FOXP2: variants seen among roughly 807,000 people sequenced by gnomAD.
FOXP2 encodes the protein forkhead box P2, also known as forkhead box protein P2.
In FOXP2, 12 loss-of-function variants were observed where a neutral mutation model predicts 115.8. That is an observed-to-expected ratio of 0.10 (90% CI 0.07 to 0.17). FOXP2 has a LOEUF of 0.17. Ranked by LOEUF, FOXP2 falls within the 10% of genes least tolerant of loss-of-function variation. The probability of loss-of-function intolerance (pLI) is 1.00; values close to 1 mark genes in which losing one functional copy is unlikely to be tolerated. For synonymous variants in FOXP2, 328 were observed against 297.7 expected, an observed-to-expected ratio of 1.10 and a Z score of -1.05; for missense variants, 629 against 843.5, an observed-to-expected ratio of 0.75 and a Z score of 3.15.
chr7:114,088,654 A>C (rs1011058971), intron 1 of FOXP2, among the ~76,000 whole-genome samples: 13 of 152,202 alleles, frequency 8.5e-5, no homozygotes, highest in Admixed American at 2.6e-4. Context: ...AGTAAAGATG[A>C]GCTTTCAGTT....
intron 2 of FOXP2, among the ~76,000 whole-genome samples, chr7:114,524,146 G>A (rs1369513957): frequency 6.6e-6 from 1 of 152,040 alleles, no homozygotes; most frequent in Non-Finnish European, 1.5e-5. Flanking sequence ...TGGTATGGCA[G>A]AAGAAGATTA....
At chr7:114,360,664 G>A (rs1791724594) in intron 2 of FOXP2, among the ~76,000 whole-genome samples, 1 of 152,104 alleles carries the variant, frequency 6.6e-6, no homozygotes, top group East Asian at 1.9e-4. Context: ...TGTAATATTA[G>A]GGCCAAATAT....
intron 16 of FOXP2, chr7:114,665,233 C>T (rs1807101575): frequency 6.6e-6 from 1 of 151,800 alleles, no homozygotes; most frequent in African/African-American, 2.4e-5. Context: ...ATGTATTGAC[C>T]GTGGTAGAAC....
At chr7:114,144,581 A>G (rs1399000932) in intron 1 of FOXP2, among the ~76,000 whole-genome samples, 1 of 152,176 alleles carries the variant, frequency 6.6e-6, no homozygotes, top group Non-Finnish European at 1.5e-5. Flanking sequence ...TTTCTTAAAT[A>G]CCAAAATATT....
At chr7:114,369,350 G>A (rs1423982023) in intron 2 of FOXP2, among the ~76,000 whole-genome samples, 1 of 152,120 alleles carries the variant, frequency 6.6e-6, no homozygotes, top group African/African-American at 2.4e-5. Flanking sequence ...AACAGCAGAG[G>A]GGGTGAATTT....
At chr7:114,231,119 A>G (rs1047822251) in intron 1 of FOXP2, among the ~76,000 whole-genome samples, 1 of 152,096 alleles carries the variant, frequency 6.6e-6, no homozygotes, top group Non-Finnish European at 1.5e-5. Flanking sequence ...AAATGAAATT[A>G]TGAAAACAAT....
chr7:114,665,721 A>G (rs1807126417), intron 16 of FOXP2: 1 of 152,142 alleles, frequency 6.6e-6, no homozygotes, highest in East Asian at 1.9e-4. Flanking sequence ...TAAATAATAC[A>G]AAAGAAGTAA....
At chr7:114,278,510 A>G (rs143990279) in intron 1 of FOXP2, among the ~76,000 whole-genome samples, 6,236 of 151,992 alleles carry the variant, frequency 0.041, 310 homozygotes, top group African/African-American at 0.12. Context: ...ACCCACCACC[A>G]TGCCTGGCTA....
At chr7:114,401,555 A>G (rs1044405675) in intron 2 of FOXP2, among the ~76,000 whole-genome samples, 2 of 152,124 alleles carry the variant, frequency 1.3e-5, no homozygotes, top group African/African-American at 4.8e-5. Flanking sequence ...ATCACGTGTC[A>G]ACAGTTGAGA....
chr7:114,365,329 G>A (rs957313311), intron 2 of FOXP2, among the ~76,000 whole-genome samples: 1 of 151,998 alleles, frequency 6.6e-6, no homozygotes. Flanking sequence ...TAATTAATCA[G>A]CATATATCAA....
intron 2 of FOXP2, among the ~76,000 whole-genome samples, chr7:114,449,118 A>G (rs1341856484): frequency 6.6e-6 from 1 of 152,080 alleles, no homozygotes; most frequent in Non-Finnish European, 1.5e-5. Flanking sequence ...TATAATGTAG[A>G]ACAATGACAC....
intron 4 of FOXP2, chr7:114,629,022 C>T (rs1804747188): frequency 7.0e-6 from 2 of 286,186 alleles, no homozygotes; most frequent in Non-Finnish European, 1.4e-5. Flanking sequence ...TTTTAAAACT[C>T]CTAACACCTT....
At chr7:114,548,724 T>C (rs903344173) in intron 3 of FOXP2, among the ~76,000 whole-genome samples, 1 of 152,166 alleles carries the variant, frequency 6.6e-6, no homozygotes, top group Non-Finnish European at 1.5e-5. Context: ...GCAAAGATGA[T>C]TCTTTCCCTC....
intron 2 of FOXP2, among the ~76,000 whole-genome samples, chr7:114,341,826 G>A (rs1477879399): frequency 6.6e-6 from 1 of 151,036 alleles, no homozygotes; most frequent in African/African-American, 2.4e-5. Flanking sequence ...CAACTTCCAG[G>A]CCAAAATGAC....
chr7:114,495,447 A>C (rs1371052850), intron 2 of FOXP2, among the ~76,000 whole-genome samples: 2 of 49,764 alleles, frequency 4.0e-5, no homozygotes, highest in Non-Finnish European at 9.2e-5. Context: ...GTACATTTTT[A>C]TTTTCTTTTT....
chr7:114,661,903 G>A, intron 13 of FOXP2, 162 bp from the exon 14 acceptor site: 1 of 824,624 alleles, frequency 1.2e-6, no homozygotes, highest in Non-Finnish European at 1.9e-6. Context: ...CCAGTAATTT[G>A]TAAGTTTGAG....
intron 3 of FOXP2, 150 bp from the exon 4 acceptor site, chr7:114,628,390 T>A (rs935574408): frequency 9.7e-7 from 1 of 1,033,358 alleles, no homozygotes; most frequent in Admixed American, 2.0e-5. Context: ...TTTAGTACTA[T>A]TGTAAAGAAG....
chr7:114,325,262 C>T (rs914150402), intron 2 of FOXP2, among the ~76,000 whole-genome samples: 27 of 151,958 alleles, frequency 1.8e-4, no homozygotes, highest in African/African-American at 6.5e-4. Flanking sequence ...GAACCATATA[C>T]CCAGACTATC....
At chr7:114,303,791 T>C (rs1024863945) in intron 2 of FOXP2, among the ~76,000 whole-genome samples, 1 of 152,174 alleles carries the variant, frequency 6.6e-6, no homozygotes, top group Non-Finnish European at 1.5e-5. Flanking sequence ...CTCATTGTGA[T>C]GAATAATTTG....
Sources: allele counts gnomAD v4.1 joint callset (sites outside exome capture counted in the v4.1 genomes callset), GRCh38; gene constraint gnomAD v4.1.1; transcripts MANE v1.5; gene names NCBI Gene and HGNC (gene_info 2026-07-23, HGNC 2026-07-21).